Variants in CTNND2 observed in about 807,000 individuals in gnomAD.
The protein encoded by CTNND2 is catenin delta 2, also known as catenin delta-2.
CTNND2 carries 22 observed loss-of-function variants against 144.4 expected under a neutral mutation model. The observed-to-expected ratio is 0.15, with a 90% CI of 0.11 to 0.22. CTNND2 has a LOEUF of 0.22. CTNND2 is among the 10% of genes least tolerant of loss of function. CTNND2 has a pLI of 1.00. For synonymous variants in CTNND2, 751 were observed against 695.6 expected (o/e 1.08, Z -1.25); for missense variants, 1,353 against 1,618.8 (o/e 0.84, Z 2.82).
At chr5:11,512,583 C>T (rs555269647) in intron 3 of CTNND2, among the ~76,000 whole-genome samples, 25 of 152,316 alleles carry the variant, frequency 1.6e-4, no homozygotes, top group African/African-American at 6.0e-4. Flanking sequence ...ATATCTGACA[C>T]ACTCTATTCA....
At chr5:11,447,674 C>CCTGT (rs1414797719) in intron 3 of CTNND2, among the ~76,000 whole-genome samples, 1 of 152,068 alleles carries the variant, frequency 6.6e-6, no homozygotes, top group Non-Finnish European at 1.5e-5. Flanking sequence ...ATCTGGATGG[C>CCTGT]CTGTCCCTGA....
At chr5:11,031,637 T>C (rs1743487420) in intron 16 of CTNND2, among the ~76,000 whole-genome samples, 1 of 152,148 alleles carries the variant, frequency 6.6e-6, no homozygotes, top group African/African-American at 2.4e-5. Flanking sequence ...AGATTAACAT[T>C]TGAGTCAGTG....
intron 1 of CTNND2, among the ~76,000 whole-genome samples, chr5:11,801,320 C>T (rs764387138): frequency 2.5e-4 from 38 of 152,152 alleles, no homozygotes; most frequent in Non-Finnish European, 4.3e-4. Context: ...GTGATAGCTA[C>T]ATTTACTAAG....
intron 10 of CTNND2, among the ~76,000 whole-genome samples, chr5:11,215,576 T>C (rs1013071527): frequency 6.6e-6 from 1 of 152,230 alleles, no homozygotes; most frequent in African/African-American, 2.4e-5. Flanking sequence ...TTGGGTTAAA[T>C]AGTAAAGAGA....
At chr5:11,895,617 T>G (rs1345336199) in intron 1 of CTNND2, among the ~76,000 whole-genome samples, 2 of 151,982 alleles carry the variant, frequency 1.3e-5, no homozygotes, top group African/African-American at 4.8e-5. Context: ...AAAGAAGAAC[T>G]CCTGTAGGAC....
intron 3 of CTNND2, among the ~76,000 whole-genome samples, chr5:11,522,469 A>G (rs1168800640): frequency 6.6e-6 from 1 of 152,094 alleles, no homozygotes; most frequent in Non-Finnish European, 1.5e-5. Context: ...CATTCTCCCA[A>G]AGCATTGCCG....
chr5:11,122,674 A>G (rs1460154775), intron 12 of CTNND2, among the ~76,000 whole-genome samples: 1 of 152,066 alleles, frequency 6.6e-6, no homozygotes, highest in Admixed American at 6.5e-5. Context: ...CAGAGCCCAG[A>G]TGCTGGGTCT....
chr5:11,289,120 C>A lies in CTNND2; in HGVS notation c.1629-52297G>T, dbSNP rs114757900. 4.5e-3 allele frequency among the ~76,000 whole-genome samples: 687 copies of A among 152,324 alleles called. 2 individuals carry two copies. The highest frequency in any genetic ancestry group is 0.016 in the African/African-American group (654 of 41,576). On this transcript the variant is annotated intron_variant, in intron 9 of 21. Transcript: ENST00000304623. ...CTGTGCTCCCAGGCCACTATCTGCA[C>A]ACCTTAGCACAGGTCTCATGAGATC...
chr5:11,425,717 C>CGAG (rs1324955208), intron 3 of CTNND2, among the ~76,000 whole-genome samples: 1 of 152,220 alleles, frequency 6.6e-6, no homozygotes. Flanking sequence ...TGGAAACCCA[C>CGAG]TCCCCTTAAC....
chr5:11,522,293 C>A (rs901646524), intron 3 of CTNND2, among the ~76,000 whole-genome samples: 22 of 152,172 alleles, frequency 1.4e-4, no homozygotes, highest in African/African-American at 5.1e-4. Context: ...GGACCCTGGG[C>A]TGGAAGACCC....
At chr5:11,655,178 T>C (rs961780036) in intron 2 of CTNND2, among the ~76,000 whole-genome samples, 23 of 152,070 alleles carry the variant, frequency 1.5e-4, no homozygotes, top group Admixed American at 1.1e-3. Context: ...CAATTTTAAA[T>C]AGATTTAGCA....
intron 8 of CTNND2, among the ~76,000 whole-genome samples, chr5:11,347,221 C>T (rs767101567): frequency 1.5e-4 from 23 of 152,010 alleles, no homozygotes; most frequent in Non-Finnish European, 2.2e-4. Context: ...AAGTAACTCC[C>T]GAAAGATTTT....
chr5:11,719,970 G>A (rs181057882), intron 2 of CTNND2, among the ~76,000 whole-genome samples: 2 of 152,130 alleles, frequency 1.3e-5, no homozygotes, highest in East Asian at 3.9e-4. Context: ...TGCTGTGCAA[G>A]GCAATGGACG....
chr5:10,973,595 C>T lies in CTNND2; in HGVS notation c.3536G>A (p.Arg1179His), dbSNP rs1341007475. The T allele has an allele frequency of 6.8e-6, 11 of 1,614,080 alleles. No individual in the cohort carries two copies. The highest frequency in any genetic ancestry group is 3.3e-5 in the South Asian group (3 of 91,072). Residue 1179 changes from arginine (R) to histidine (H), a missense_variant, in exon 22 of 22, where the codon CGC becomes CAC. Coordinates refer to ENST00000304623, the MANE Select transcript of CTNND2 (RefSeq NM_001332.4). This position sits in a 1 kb window ranked among gnomAD's most constrained non-coding sequence, Gnocchi z 5.6. ...ESFFEDQVHHRPPASEYTMHL... is the reference protein window; with the variant it reads ...ESFFEDQVHHHPPASEYTMHL... ...CATGGTGTACTCGCTGGCGGGAGGG[C>T]GATGGTGGACCTGGTCCTCGAAGAA...
At chr5:11,286,351 T>A (rs1747753964) in intron 9 of CTNND2, among the ~76,000 whole-genome samples, 2 of 152,184 alleles carry the variant, frequency 1.3e-5, no homozygotes, top group Admixed American at 6.5e-5. Flanking sequence ...TATGAACAAA[T>A]CCCACTGAAA....
Position 11,385,195 on chromosome 5 carries a change from G to T in CTNND2, c.647C>A (p.Pro216His). Residue 216 changes from proline to histidine, a missense_variant, in exon 7 of 22, where the codon CCC becomes CAC. Pro to His is a moderately conservative substitution (Grantham distance 77). Transcript: ENST00000304623. ...TTSRAGHLAG[P>H]EPAPPPPPPP... ...CGGCGGCGGCGGCGGCGCGGGCTCG[G>T]GCCCCGCCAGGTGGCCGGCGCGGCT... 1 of 1,052,860 alleles carries T rather than the reference G, an allele frequency of 9.5e-7. No individual in the cohort carries two copies. Among genetic ancestry groups the T allele is most frequent in the Non-Finnish European group, 1.1e-6 (1 of 875,382 alleles). The allele number at this position is 1,052,860 out of a possible 1,614,324, so 65.2% of individuals were successfully genotyped here.
At chr5:11,826,370 T>C (rs1465006562) in intron 1 of CTNND2, among the ~76,000 whole-genome samples, 1 of 151,956 alleles carries the variant, frequency 6.6e-6, no homozygotes, top group Non-Finnish European at 1.5e-5. Flanking sequence ...AATATGCCAA[T>C]AGTGGAGATA....
intron 2 of CTNND2, among the ~76,000 whole-genome samples, chr5:11,642,774 C>T (rs2126509893): frequency 6.6e-6 from 1 of 152,318 alleles, no homozygotes. Context: ...TATGTGCCAG[C>T]AATTCTAAGC....
chr5:11,207,580 C>CT (rs1019351842), intron 10 of CTNND2, among the ~76,000 whole-genome samples: 1 of 152,038 alleles, frequency 6.6e-6, no homozygotes, highest in Non-Finnish European at 1.5e-5. Flanking sequence ...GATCTTTCGG[C>CT]TTTTTTTGTG....
Sources: gnomAD v4.1 joint callset for allele counts (sites outside exome capture counted in the v4.1 genomes callset) on GRCh38, gnomAD v4.1.1 for gene constraint, Gnocchi (gnomAD v3.1) non-coding constraint, MANE v1.5 for transcripts, NCBI Gene and HGNC (gene_info 2026-07-23, HGNC 2026-07-21) for gene names.